Variants in EFNA3 observed in about 807,000 individuals in gnomAD.
EFNA3 encodes ephrin-A3.
Under a neutral mutation model 25.0 loss-of-function variants are expected in EFNA3, and 15 were observed. The ratio of observed to expected loss-of-function variants is 0.60; its 90% CI spans 0.40 to 0.92. The LOEUF is 0.92. EFNA3 is among the 40% of genes least tolerant of loss of function. The pLI, the probability that EFNA3 is intolerant of heterozygous loss-of-function variation, is 0.00. For missense variants in EFNA3, 298 were observed against 323.8 expected (o/e 0.92, Z 0.61); for synonymous variants, 153 against 145.6 (o/e 1.05, Z -0.37).
rs1663323625 is a variant in EFNA3, at chr1:155,080,562, C to T, written c.128+1493C>T. ...CGCCCCCCACCCCGCTAGAGTCTGG[C>T]GGGGAACGGAGAGCTCGCAGGTGAG... is the stretch of plus-strand genomic sequence containing the variant. On this transcript the variant is annotated intron_variant, in intron 1 of 4. Coordinates refer to ENST00000368408, the MANE Select transcript of EFNA3 (RefSeq NM_004952.5). The surrounding 1 kb of genome is among the most constrained non-coding windows in gnomAD (Gnocchi z 7.0). Among the ~76,000 whole-genome samples, 1 of 152,164 alleles carries T rather than the reference C, an allele frequency of 6.6e-6. No individual in the cohort carries two copies. Among genetic ancestry groups the T allele is most frequent in the African/African-American group, 2.4e-5 (1 of 41,452 alleles).
rs1461421517 is a variant in EFNA3 at position 155,086,537 on chromosome 1, C to T, written c.711C>T (p.Ala237=). 7 of 1,612,710 alleles carry T rather than the reference C, an allele frequency of 4.3e-6. 1 individual carries two copies. Among genetic ancestry groups the T allele is most frequent in the Admixed American group, 3.3e-5 (2 of 59,976 alleles). The change falls in exon 5 of 5, where the codon GCC becomes GCT. Residue 237 remains alanine, a synonymous_variant. Coordinates refer to ENST00000368408, the MANE Select transcript of EFNA3 (RefSeq NM_004952.5). ...GIAFFLMTFL[A]S ...CCTTCTTCCTCATGACGTTCTTGGC[C>T]TCCTAGCTCTGCCCCCTCCCCTGGG...
chr1:155,078,919 C>T lies in EFNA3; in HGVS notation c.-23C>T. Reference sequence around the variant, plus strand: ...GGGAGCGCGGGGCTCAGTCGGGGGGCGGCGGCGGCGGCGGCTCCGGGGATG... The same window carrying T: ...GGGAGCGCGGGGCTCAGTCGGGGGGTGGCGGCGGCGGCGGCTCCGGGGATG... On this transcript the variant is annotated 5_prime_UTR_variant, in exon 1 of 5. Coordinates refer to ENST00000368408, the MANE Select transcript of EFNA3 (RefSeq NM_004952.5). The T allele has an allele frequency of 3.7e-6, 5 of 1,359,432 alleles. No homozygotes were observed. The highest frequency in any genetic ancestry group is 2.8e-6 in the Non-Finnish European group (3 of 1,056,224). 84.2% of individuals were successfully genotyped at this position (1,359,432 alleles called of 1,614,324 possible). A position where few individuals can be genotyped will look rare whatever the true frequency, so the allele number is the denominator to read the frequency against.
rs1207275799 is a variant in EFNA3, at chr1:155,087,158, A to G, written c.*615A>G. 1.3e-5 allele frequency: 2 copies of G among 155,982 alleles called. No individual in the cohort carries two copies. The highest frequency in any genetic ancestry group is 4.8e-5 in the African/African-American group (2 of 41,436). The allele number at this position is 155,982 out of a possible 1,614,324, so 9.7% of individuals were successfully genotyped here. A position where few individuals can be genotyped will look rare whatever the true frequency, so the allele number is the denominator to read the frequency against. Reference sequence around the variant, plus strand: ...GTGGGCATTGGGGTGCCAGGCAGGCATGTACAGACTCTATATCTCTATATA... The same window carrying G: ...GTGGGCATTGGGGTGCCAGGCAGGCGTGTACAGACTCTATATCTCTATATA... On this transcript the variant is annotated 3_prime_UTR_variant, in exon 5 of 5. Transcript: ENST00000368408.
chr1:155,082,567 G>A (rs968817548), intron 1 of EFNA3, among the ~76,000 whole-genome samples: 7 of 152,216 alleles, frequency 4.6e-5, no homozygotes, highest in African/African-American at 1.7e-4. Flanking sequence ...GTGAGAGCCA[G>A]GAGAGACCGA....
chr1:155,084,113 G>T (rs1663399090), intron 1 of EFNA3, among the ~76,000 whole-genome samples: 1 of 152,236 alleles, frequency 6.6e-6, no homozygotes, highest in African/African-American at 2.4e-5. Context: ...CAGCCATCTT[G>T]TCTAGGCCCT....
chr1:155,082,979 G>C (rs1485031738), intron 1 of EFNA3, among the ~76,000 whole-genome samples: 1 of 152,232 alleles, frequency 6.6e-6, no homozygotes, highest in Non-Finnish European at 1.5e-5. Flanking sequence ...CCACCGGCAG[G>C]TCTTTCTCTC....
chr1:155,085,178 C>T lies in EFNA3; in HGVS notation c.216C>T (p.Gly72=), dbSNP rs1434018746. 1 of 1,555,376 alleles carries T rather than the reference C, an allele frequency of 6.4e-7. No individual in the cohort carries two copies. Residue 72 remains glycine, a synonymous_variant, in exon 2 of 5, where the codon GGC becomes GGT. Coordinates refer to ENST00000368408, the MANE Select transcript of EFNA3 (RefSeq NM_004952.5). The surrounding 1 kb of genome is among the most constrained non-coding windows in gnomAD (Gnocchi z 4.4). ...YCPHYNSSGV[G]PGAGPGPGGG... is the part of the protein sequence containing the mutation. The stretch of plus-strand genomic sequence containing the variant: ...CGCACTACAACAGCTCGGGGGTGGG[C>T]CCCGGGGCGGGACCGGGGCCCGGAG...
In EFNA3 at chr1:155,080,594, C is replaced by T. The variant is rs1663324225; in HGVS notation, c.128+1525C>T. Among the ~76,000 whole-genome samples, 1 of 152,182 alleles carries T rather than the reference C, an allele frequency of 6.6e-6. No individual in the cohort carries two copies. Among genetic ancestry groups the T allele is most frequent in the Non-Finnish European group, 1.5e-5 (1 of 68,020 alleles). On this transcript the variant is annotated intron_variant, in intron 1 of 4. Coordinates refer to ENST00000368408, the MANE Select transcript of EFNA3 (RefSeq NM_004952.5). This position sits in a 1 kb window ranked among gnomAD's most constrained non-coding sequence, Gnocchi z 7.0. Reference sequence around the variant, plus strand: ...CGGAGAGCTCGCAGGTGAGGGGCCCCGGGTTCCCCGCCACCCTTGGAGCAC... The same window carrying T: ...CGGAGAGCTCGCAGGTGAGGGGCCCTGGGTTCCCCGCCACCCTTGGAGCAC...
At chr1:155,084,684 T>A (rs1262578808) in intron 1 of EFNA3, among the ~76,000 whole-genome samples, 1 of 152,136 alleles carries the variant, frequency 6.6e-6, no homozygotes, top group East Asian at 1.9e-4. Context: ...CCATCCCTCC[T>A]CCCGGCTGCT....
intron 1 of EFNA3, among the ~76,000 whole-genome samples, chr1:155,082,697 G>A (rs935018824): frequency 6.6e-6 from 1 of 152,218 alleles, no homozygotes; most frequent in Non-Finnish European, 1.5e-5. Flanking sequence ...GTACGAAGGG[G>A]CAGGGCACAA....
Position 155,078,886 on chromosome 1 carries a change from G to A in EFNA3, c.-56G>A. The A allele has an allele frequency of 5.2e-6, 7 of 1,336,980 alleles. No homozygotes were observed. Among genetic ancestry groups the A allele is most frequent in the Non-Finnish European group, 6.7e-6 (7 of 1,045,964 alleles). The allele number at this position is 1,336,980 out of a possible 1,614,324, so 82.8% of individuals were successfully genotyped here. A position where few individuals can be genotyped will look rare whatever the true frequency, so the allele number is the denominator to read the frequency against. On this transcript the variant is annotated 5_prime_UTR_variant, in exon 1 of 5. Coordinates refer to ENST00000368408, the MANE Select transcript of EFNA3 (RefSeq NM_004952.5). ...GGCGGCAGCAGGGAGCTGGGAAGCG[G>A]AGAAGCCGGGAGCGCGGGGCTCAGT...
intron 1 of EFNA3, among the ~76,000 whole-genome samples, chr1:155,084,291 G>C (rs1377382063): frequency 6.6e-6 from 1 of 152,212 alleles, no homozygotes; most frequent in African/African-American, 2.4e-5. Context: ...GAGCCTAACT[G>C]TCCTTGGCCT....
At position 155,086,870 on chromosome 1, in the gene EFNA3, T is replaced by G; in HGVS notation, c.*327T>G. On this transcript the variant is annotated 3_prime_UTR_variant, in exon 5 of 5. Transcript: ENST00000368408. ...CCCTGACTCCTGGTGCCCTCTCCCT[T>G]TGTCCCCCCAGAGAGACATATGCCC... The G allele has an allele frequency of 3.6e-6, 1 of 278,214 alleles. No individual in the cohort carries two copies. 17.2% of individuals were successfully genotyped at this position (278,214 alleles called of 1,614,324 possible).
chr1:155,086,405 G>T lies in EFNA3; in HGVS notation c.587-8G>T, dbSNP rs768563631. Reference sequence around the variant, plus strand: ...CCCTCACCAGTCTGTCTGTTCCTCTGTCCACAGAAGACTTTGAGGGAGAGA... The same window carrying T: ...CCCTCACCAGTCTGTCTGTTCCTCTTTCCACAGAAGACTTTGAGGGAGAGA... On this transcript the variant is annotated splice_region_variant and splice_polypyrimidine_tract_variant and intron_variant, in intron 4 of 4. Coordinates refer to ENST00000368408, the MANE Select transcript of EFNA3 (RefSeq NM_004952.5). 22 of 1,613,830 alleles carry T rather than the reference G, an allele frequency of 1.4e-5. No homozygotes were observed. Among genetic ancestry groups the T allele is most frequent in the Non-Finnish European group, 1.8e-5 (21 of 1,179,836 alleles).
Position 155,085,719 on chromosome 1 carries a change from G to T in EFNA3, c.443-158G>T. The T allele has an allele frequency of 1.2e-6, 1 of 853,938 alleles. No homozygotes were observed. The highest frequency in any genetic ancestry group is 1.8e-6 in the Non-Finnish European group (1 of 550,962). 52.9% of individuals were successfully genotyped at this position (853,938 alleles called of 1,614,324 possible). ...TGGGACCAAAGGGGCGTCTAGGGCC[G>T]ACGGCAGAGCTAAAGTGACCCGTGT... On this transcript the variant is annotated intron_variant, in intron 2 of 4. Transcript: ENST00000368408. This position sits in a 1 kb window ranked among gnomAD's most constrained non-coding sequence, Gnocchi z 4.4.
Position 155,086,533 on chromosome 1 carries a change from T to G in EFNA3, c.707T>G (p.Leu236Trp). ...ATCGCCTTCTTCCTCATGACGTTCT[T>G]GGCCTCCTAGCTCTGCCCCCTCCCC... Reference protein sequence around the residue: ...VGIAFFLMTFLAS With the variant: ...VGIAFFLMTFWAS The change falls in exon 5 of 5, where the codon TTG becomes TGG. Residue 236 changes from leucine to tryptophan, a missense_variant. By Grantham distance (61) the Leu-to-Trp change is moderately conservative. Transcript: ENST00000368408. 1.2e-6 allele frequency: 2 copies of G among 1,613,418 alleles called. No homozygotes were observed. The highest frequency in any genetic ancestry group is 1.7e-6 in the Non-Finnish European group (2 of 1,179,924).
rs1386261444 is a variant in EFNA3 at position 155,080,420 on chromosome 1, CG to C, written c.128+1356del. Reference sequence around the variant, plus strand: ...CCCCTCTCGCTTCCCATGGAAACCTCGGGGGTGGGGACGTGGCCCCTCCCCC... The same window carrying C: ...CCCCTCTCGCTTCCCATGGAAACCTCGGGGTGGGGACGTGGCCCCTCCCCC... On this transcript the variant is annotated intron_variant, in intron 1 of 4. Coordinates refer to ENST00000368408, the MANE Select transcript of EFNA3 (RefSeq NM_004952.5). This position sits in a 1 kb window ranked among gnomAD's most constrained non-coding sequence, Gnocchi z 7.0. Among the ~76,000 whole-genome samples the C allele has an allele frequency of 6.6e-6, 1 of 151,950 alleles. No individual in the cohort carries two copies. Among genetic ancestry groups the C allele is most frequent in the Non-Finnish European group, 1.5e-5 (1 of 67,914 alleles).
chr1:155,086,081 G>A (rs1360688496), intron 3 of EFNA3, 47 bp from the exon 4 acceptor site: 41 of 1,593,382 alleles, frequency 2.6e-5, no homozygotes, highest in Non-Finnish European at 3.3e-5. Flanking sequence ...GGGAATCCTG[G>A]CCCTGACTCT....
In EFNA3 at chr1:155,081,756, C is replaced by G. The variant is rs1334888855; in HGVS notation, c.128+2687C>G. 3.3e-5 allele frequency among the ~76,000 whole-genome samples: 5 copies of G among 152,192 alleles called. No homozygotes were observed. Among genetic ancestry groups the G allele is most frequent in the Non-Finnish European group, 7.3e-5 (5 of 68,028 alleles). ...TCTCGGTTCTCGTTCTCTTCCCTGC[C>G]TCTCTCGGTTTCTGCGTCTCTCTCG... On this transcript the variant is annotated intron_variant, in intron 1 of 4. Coordinates refer to ENST00000368408, the MANE Select transcript of EFNA3 (RefSeq NM_004952.5). The surrounding 1 kb of genome is among the most constrained non-coding windows in gnomAD (Gnocchi z 5.2).
Sources: allele counts gnomAD v4.1 joint callset (sites outside exome capture counted in the v4.1 genomes callset), GRCh38; gene constraint gnomAD v4.1.1; non-coding constraint Gnocchi (gnomAD v3.1); transcripts MANE v1.5; gene names NCBI Gene and HGNC (gene_info 2026-07-23, HGNC 2026-07-21).